VAV1: variants seen among roughly 807,000 people sequenced by gnomAD.
VAV1 encodes the protein proto-oncogene vav.
In VAV1, 33 loss-of-function variants were observed where a neutral mutation model predicts 128.1. The observed-to-expected ratio is 0.26, with a 90% CI of 0.20 to 0.34. The LOEUF (loss-of-function observed/expected upper bound fraction) is 0.34, where lower values mean the gene tolerates loss of function less well. Among genes scored for constraint, VAV1 ranks in the 10% least tolerant of loss-of-function variants. VAV1 has a pLI of 1.00. For synonymous variants in VAV1, 394 were observed against 409.8 expected (o/e 0.96, Z 0.47); for missense variants, 715 against 1,093.7 (o/e 0.65, Z 4.88).
At chr19:6,781,375 C>T (rs575281950) in intron 1 of VAV1, among the ~76,000 whole-genome samples, 13 of 152,236 alleles carry the variant, frequency 8.5e-5, no homozygotes, top group Admixed American at 5.2e-4. Context: ...GCTTCTCTGC[C>T]GCCTCCCCGA....
At chr19:6,850,789 T>C in intron 24 of VAV1, 32 bp downstream of exon 24, 1 of 1,611,258 alleles carries the variant, frequency 6.2e-7, no homozygotes, top group Non-Finnish European at 8.5e-7. Flanking sequence ...ATCCCAGCTT[T>C]CCAGAACCTA....
Position 6,826,787 on chromosome 19 carries a change from T to C in VAV1, c.927+76T>C. On this transcript the variant is annotated intron_variant, in intron 9 of 26. Transcript: ENST00000602142. This position sits in a 1 kb window ranked among gnomAD's most constrained non-coding sequence, Gnocchi z 4.1. The stretch of plus-strand genomic sequence containing the variant: ...TGGGGGCAGCAGGGAGGACACTGAG[T>C]TGCAGATGGTCCACTTTCTGCTGCA... 1.7e-6 allele frequency: 2 copies of C among 1,180,194 alleles called. No homozygotes were observed. Among genetic ancestry groups the C allele is most frequent in the Admixed American group, 4.1e-5 (2 of 48,936 alleles). The allele number at this position is 1,180,194 out of a possible 1,614,324, so 73.1% of individuals were successfully genotyped here.
chr19:6,821,321 A>T (rs755172769), intron 2 of VAV1, among the ~76,000 whole-genome samples: 24 of 152,018 alleles, frequency 1.6e-4, no homozygotes, highest in Non-Finnish European at 2.9e-4. Flanking sequence ...GAATCGCTTG[A>T]ACCTGGGAGG....
At chr19:6,805,596 A>ACACACACACACACG (rs1039991748) in intron 1 of VAV1, among the ~76,000 whole-genome samples, 1 of 135,826 alleles carries the variant, frequency 7.4e-6, no homozygotes, top group Non-Finnish European at 1.7e-5. Flanking sequence ...ACACACACAC[A>ACACACACACACACG]CACACACACA....
At chr19:6,834,860 C>G (rs1972181290) in intron 19 of VAV1, among the ~76,000 whole-genome samples, 1 of 151,022 alleles carries the variant, frequency 6.6e-6, no homozygotes, top group South Asian at 2.1e-4. Flanking sequence ...GTGATCCCAG[C>G]ACTTTGAGAG....
At chr19:6,830,932 T>TA (rs918855832) in intron 14 of VAV1, among the ~76,000 whole-genome samples, 7 of 151,322 alleles carry the variant, frequency 4.6e-5, no homozygotes, top group East Asian at 2.0e-4. Context: ...CTACAAAACA[T>TA]AAAAAAAAAT....
chr19:6,851,560 CTG>C (rs1972675873), intron 24 of VAV1, among the ~76,000 whole-genome samples: 1 of 152,184 alleles, frequency 6.6e-6, no homozygotes, highest in African/African-American at 2.4e-5. Context: ...ATGGGTAAAA[CTG>C]AGGTTTACTC....
chr19:6,833,806 C>T (rs1015176493), intron 18 of VAV1, 73 bp downstream of exon 18: 6 of 1,613,474 alleles, frequency 3.7e-6, no homozygotes, highest in East Asian at 2.2e-5. Context: ...CCAGGACATC[C>T]TGGAACTGGG....
At chr19:6,818,883 A>C (rs528580825) in intron 1 of VAV1, among the ~76,000 whole-genome samples, 1 of 152,284 alleles carries the variant, frequency 6.6e-6, no homozygotes, top group East Asian at 1.9e-4. Context: ...TGGGAGGCCG[A>C]GGCGGGTGGA....
intron 1 of VAV1, among the ~76,000 whole-genome samples, chr19:6,797,633 GC>G (rs1287879419): frequency 6.6e-6 from 1 of 151,818 alleles, no homozygotes; most frequent in Non-Finnish European, 1.5e-5. Flanking sequence ...AACCCCGGGG[GC>G]AGAGGTTGTT....
chr19:6,776,378 AT>A (rs1970636470), intron 1 of VAV1, among the ~76,000 whole-genome samples: 1 of 136,506 alleles, frequency 7.3e-6, no homozygotes, highest in Non-Finnish European at 1.6e-5. Context: ...CCATCCATCC[AT>A]CCATCTACCC....
intron 21 of VAV1, among the ~76,000 whole-genome samples, chr19:6,840,685 G>C (rs1042135036): frequency 6.8e-6 from 1 of 146,908 alleles, no homozygotes; most frequent in African/African-American, 2.5e-5. Context: ...ACTCACTGCA[G>C]ACTCGACCCC....
chr19:6,781,717 C>T (rs2144695612), intron 1 of VAV1, among the ~76,000 whole-genome samples: 1 of 151,960 alleles, frequency 6.6e-6, no homozygotes, highest in Non-Finnish European at 1.5e-5. Context: ...AAGTGATTCT[C>T]GTGCCTCAGC....
rs752959423 is a variant in VAV1 at position 6,828,215 on chromosome 19, C to T, written c.1023+44C>T. 6 of 1,607,282 alleles carry T rather than the reference C, an allele frequency of 3.7e-6. No homozygotes were observed. The highest frequency in any genetic ancestry group is 5.1e-6 in the Non-Finnish European group (6 of 1,174,928). On this transcript the variant is annotated intron_variant, in intron 10 of 26. Transcript: ENST00000602142. The surrounding 1 kb of genome is among the most constrained non-coding windows in gnomAD (Gnocchi z 4.5). ...GGCGTGGGCTCCACGTACCTACTCT[C>T]CTGTGTCTATAAAAGTGGGGACGGG...
intron 6 of VAV1, among the ~76,000 whole-genome samples, chr19:6,824,225 G>A (rs1971860160): frequency 6.6e-6 from 1 of 152,080 alleles, no homozygotes; most frequent in South Asian, 2.1e-4. Flanking sequence ...TTGGGTGTGA[G>A]CCACCACCCC....
chr19:6,790,345 G>A (rs376144873), intron 1 of VAV1, among the ~76,000 whole-genome samples: 7 of 152,320 alleles, frequency 4.6e-5, no homozygotes, highest in Admixed American at 2.0e-4. Flanking sequence ...TCTTGAGGGA[G>A]GGGGTGGTGT....
intron 1 of VAV1, among the ~76,000 whole-genome samples, chr19:6,815,070 G>C (rs1051861823): frequency 1.3e-5 from 2 of 151,934 alleles, no homozygotes; most frequent in African/African-American, 4.8e-5. Flanking sequence ...CAGAGCCTTG[G>C]GCGAGCAACA....
At chr19:6,773,449 C>G (rs1010923667) in intron 1 of VAV1, among the ~76,000 whole-genome samples, 2 of 152,166 alleles carry the variant, frequency 1.3e-5, no homozygotes, top group African/African-American at 2.4e-5. Context: ...CATCTTCCCC[C>G]ACATGTGTCT....
intron 1 of VAV1, among the ~76,000 whole-genome samples, chr19:6,786,727 G>A (rs987113062): frequency 6.6e-6 from 1 of 152,096 alleles, no homozygotes; most frequent in African/African-American, 2.4e-5. Flanking sequence ...AGGTTGCAGT[G>A]AACCACGATT....
Sources: allele counts gnomAD v4.1 joint callset (sites outside exome capture counted in the v4.1 genomes callset), GRCh38; gene constraint gnomAD v4.1.1; non-coding constraint Gnocchi (gnomAD v3.1); transcripts MANE v1.5; gene names NCBI Gene and HGNC (gene_info 2026-07-23, HGNC 2026-07-21).